Variants in LHFPL4 observed in about 807,000 individuals in gnomAD.
LHFPL4 encodes the protein LHFPL tetraspan subfamily member 4, also known as LHFPL tetraspan subfamily member 4 protein.
Under a neutral mutation model 20.0 loss-of-function variants are expected in LHFPL4, and 6 were observed. The observed-to-expected ratio is 0.30, with a 90% CI of 0.16 to 0.59. The LOEUF is 0.59. Among genes scored for constraint, LHFPL4 ranks in the 20% least tolerant of loss-of-function variants. The pLI is 0.88. For missense variants in LHFPL4, 215 were observed against 331.2 expected (o/e 0.65, Z 2.72); for synonymous variants, 129 against 143.8 (o/e 0.90, Z 0.74).
At chr3:9,518,650 G>C (rs1308438440) in intron 2 of LHFPL4, among the ~76,000 whole-genome samples, 3 of 151,292 alleles carry the variant, frequency 2.0e-5, no homozygotes, top group African/African-American at 7.3e-5. Context: ...TCTAGGAATT[G>C]GTCCATTTCA....
intron 2 of LHFPL4, among the ~76,000 whole-genome samples, chr3:9,543,582 T>A (rs933795160): frequency 6.6e-6 from 1 of 152,038 alleles, no homozygotes; most frequent in Non-Finnish European, 1.5e-5. Flanking sequence ...GAGGTCTTGG[T>A]TGCAACTTCA....
intron 2 of LHFPL4, among the ~76,000 whole-genome samples, chr3:9,524,471 TAG>T (rs1158412969): frequency 6.6e-6 from 1 of 152,214 alleles, no homozygotes; most frequent in Non-Finnish European, 1.5e-5. Context: ...TTTTTGTTTT[TAG>T]AGGTTTCTAC....
chr3:9,521,486 C>T (rs1418398665), intron 2 of LHFPL4, among the ~76,000 whole-genome samples: 1 of 151,874 alleles, frequency 6.6e-6, no homozygotes, highest in East Asian at 1.9e-4. Context: ...ACTGCAAGCT[C>T]CACCTCCAGC....
Position 9,553,670 on chromosome 3 carries a change from T to C in LHFPL4, c.-169+15A>G, listed in dbSNP as rs2046573157. The C allele has an allele frequency of 6.6e-6, 1 of 150,568 alleles. No individual in the cohort carries two copies. The highest frequency in any genetic ancestry group is 1.5e-5 in the Non-Finnish European group (1 of 67,498). 9.3% of individuals were successfully genotyped at this position (150,568 alleles called of 1,614,324 possible). ...CGAGGCTGCGGCCGCGGGGAAAGGG[T>C]GCGGGGAGACCAACCTGGGCACGGC... On this transcript the variant is annotated intron_variant, in intron 1 of 3. Transcript: ENST00000287585.
intron 2 of LHFPL4, among the ~76,000 whole-genome samples, chr3:9,549,014 G>A (rs1045284401): frequency 2.6e-5 from 4 of 152,194 alleles, no homozygotes; most frequent in Non-Finnish European, 2.9e-5. Flanking sequence ...TCTTCATGGC[G>A]TGATTTGAAC....
chr3:9,517,207 T>C (rs949125942), intron 2 of LHFPL4, among the ~76,000 whole-genome samples: 1 of 152,176 alleles, frequency 6.6e-6, no homozygotes, highest in African/African-American at 2.4e-5. Flanking sequence ...TGCCTCTCCA[T>C]ATAAACTTTA....
At chr3:9,531,445 C>T (rs1390339541) in intron 2 of LHFPL4, among the ~76,000 whole-genome samples, 4 of 152,146 alleles carry the variant, frequency 2.6e-5, no homozygotes, top group Admixed American at 6.5e-5. Context: ...AGCTTAATGA[C>T]GGTTACCTCT....
At chr3:9,507,416 A>G (rs141118620) in intron 2 of LHFPL4, among the ~76,000 whole-genome samples, 1 of 152,362 alleles carries the variant, frequency 6.6e-6, no homozygotes, top group African/African-American at 2.4e-5. Flanking sequence ...CTTCATCTGT[A>G]CAATGGGGAT....
At position 9,520,423 on chromosome 3, in the gene LHFPL4, G is replaced by A. The variant is rs184097443; in HGVS notation, c.407-14220C>T. ...GGCTGGAGTGCAGTGGTGCAATCTC[G>A]GCTCACTACAACCTCTGCTTCCCGA... On this transcript the variant is annotated intron_variant, in intron 2 of 3. Transcript: ENST00000287585. Among the ~76,000 whole-genome samples the A allele has an allele frequency of 1.6e-3, 243 of 151,846 alleles. 2 individuals carry two copies. Among genetic ancestry groups the A allele is most frequent in the African/African-American group, 5.3e-3 (219 of 41,334 alleles).
At chr3:9,543,737 T>TTC in intron 2 of LHFPL4, among the ~76,000 whole-genome samples, 1 of 146,628 alleles carries the variant, frequency 6.8e-6, no homozygotes, top group Non-Finnish European at 1.5e-5. Context: ...TGGTTTTTTT[T>TTC]TTTTTTTTTT....
intron 2 of LHFPL4, among the ~76,000 whole-genome samples, chr3:9,519,616 T>C (rs2046325602): frequency 6.6e-6 from 1 of 152,140 alleles, no homozygotes; most frequent in African/African-American, 2.4e-5. Flanking sequence ...TGTAGTGCAG[T>C]GGCATGATCA....
At chr3:9,527,396 C>G (rs1047746841) in intron 2 of LHFPL4, among the ~76,000 whole-genome samples, 1 of 151,988 alleles carries the variant, frequency 6.6e-6, no homozygotes, top group Non-Finnish European at 1.5e-5. Context: ...TGGCAAAACT[C>G]TGACACTACT....
chr3:9,525,402 C>T (rs1236112366), intron 2 of LHFPL4, among the ~76,000 whole-genome samples: 1 of 152,164 alleles, frequency 6.6e-6, no homozygotes, highest in African/African-American at 2.4e-5. Flanking sequence ...TCCTTCTGCT[C>T]CTGTAAGTTG....
chr3:9,524,483 C>T (rs2046361158), intron 2 of LHFPL4, among the ~76,000 whole-genome samples: 1 of 152,014 alleles, frequency 6.6e-6, no homozygotes, highest in Non-Finnish European at 1.5e-5. Context: ...GAGGTTTCTA[C>T]TGACATATCT....
rs1030666517 is a variant in LHFPL4, at chr3:9,547,821, A to G, written c.406+4453T>C. On this transcript the variant is annotated intron_variant, in intron 2 of 3. Transcript: ENST00000287585. ...GTTTTGTTTTGTTTTGTTTTCTTTT[A>G]TTGAGACAGGGTCTCACTCTGTCAT... is the stretch of plus-strand genomic sequence containing the variant. Among the ~76,000 whole-genome samples the G allele has an allele frequency of 5.0e-5, 5 of 99,618 alleles. No individual in the cohort carries two copies. The East Asian group carries it at 6.7e-4, about 13-fold the overall frequency. The allele number at this position is 99,618 out of a possible 152,430, so 65.4% of individuals were successfully genotyped here.
chr3:9,547,189 A>G (rs914228126), intron 2 of LHFPL4, among the ~76,000 whole-genome samples: 1 of 152,094 alleles, frequency 6.6e-6, no homozygotes, highest in African/African-American at 2.4e-5. Flanking sequence ...GGGTCTCACT[A>G]TGTTGCCCAG....
intron 3 of LHFPL4, among the ~76,000 whole-genome samples, chr3:9,504,223 T>C (rs1223837011): frequency 6.6e-6 from 1 of 151,626 alleles, no homozygotes. Flanking sequence ...ATACAACAGT[T>C]AGCTGGGTGT....
At chr3:9,504,824 C>CGAAA (rs1559513761) in intron 3 of LHFPL4, among the ~76,000 whole-genome samples, 1 of 144,998 alleles carries the variant, frequency 6.9e-6, no homozygotes. Flanking sequence ...GACTCCATCT[C>CGAAA]AAAAAAAAAA....
At position 9,502,052 on chromosome 3, in the gene LHFPL4, C is replaced by A. The variant is rs2046180471; in HGVS notation, c.*159G>T. The A allele has an allele frequency of 1.9e-5, 12 of 640,810 alleles. No homozygotes were observed. The highest frequency in any genetic ancestry group is 2.3e-5 in the Non-Finnish European group (8 of 353,112). The allele number at this position is 640,810 out of a possible 1,614,324, so 39.7% of individuals were successfully genotyped here. A position where few individuals can be genotyped will look rare whatever the true frequency, so the allele number is the denominator to read the frequency against. Reference sequence around the variant, plus strand: ...GCCTCTCCTCTCCCCCAGGCCACATCCAGGCTTTCCTCTCCTCAAAGCCTG... The same window carrying A: ...GCCTCTCCTCTCCCCCAGGCCACATACAGGCTTTCCTCTCCTCAAAGCCTG... On this transcript the variant is annotated 3_prime_UTR_variant, in exon 4 of 4. Transcript: ENST00000287585.
Sources: gnomAD v4.1 joint callset for allele counts (sites outside exome capture counted in the v4.1 genomes callset) on GRCh38, gnomAD v4.1.1 for gene constraint, MANE v1.5 for transcripts, NCBI Gene and HGNC (gene_info 2026-07-23, HGNC 2026-07-21) for gene names.